Variants in SFXN3 observed in about 807,000 individuals in gnomAD.
The protein encoded by SFXN3 is sideroflexin-3.
Under a neutral mutation model 40.4 loss-of-function variants are expected in SFXN3, and 31 were observed. The observed-to-expected ratio is 0.77, with a 90% confidence interval of 0.58 to 1.04. The LOEUF is 1.04. Ranked by LOEUF, SFXN3 falls within the 50% of genes least tolerant of loss-of-function variation. The pLI is 0.00. For missense variants in SFXN3, 366 were observed against 408.2 expected, an observed-to-expected ratio of 0.90 and a Z score of 0.89; for synonymous variants, 157 against 160.0, an observed-to-expected ratio of 0.98 and a Z score of 0.14.
intron 2 of SFXN3, 141 bp downstream of exon 2, chr10:101,032,623 G>A (rs919551139): frequency 1.0e-6 from 1 of 992,312 alleles, no homozygotes; most frequent in Non-Finnish European, 1.4e-6. Context: ...AGGGAGGTTG[G>A]GGGGAGGAAT....
At chr10:101,032,944 T>C (rs147454237) in intron 2 of SFXN3, among the ~76,000 whole-genome samples, 53 of 152,296 alleles carry the variant, frequency 3.5e-4, no homozygotes, top group African/African-American at 1.1e-3. Flanking sequence ...TGAATCCTGC[T>C]CTTATCCGGA....
intron 2 of SFXN3, 29 bp downstream of exon 2, chr10:101,032,511 G>C: frequency 6.5e-7 from 1 of 1,529,722 alleles, no homozygotes; most frequent in South Asian, 1.2e-5. Flanking sequence ...CGGCGGGCGG[G>C]GTTCTGGAAT....
rs1235550512 is a variant in SFXN3, at chr10:101,036,481, C to G, written c.432-5C>G. 2 of 1,613,972 alleles carry G rather than the reference C, an allele frequency of 1.2e-6. No individual in the cohort carries two copies. Among genetic ancestry groups the G allele is most frequent in the African/African-American group, 2.7e-5 (2 of 74,912 alleles). On this transcript the variant is annotated splice_polypyrimidine_tract_variant and splice_region_variant and intron_variant, in intron 5 of 11. Transcript: ENST00000393459. The surrounding 1 kb of genome is among the most constrained non-coding windows in gnomAD (Gnocchi z 4.2). Reference sequence around the variant, plus strand: ...CTCCCCGTGACCTGGCTTTTCCACCCACAGGCAGCTGGGGACAGCCTATGT... The same window carrying G: ...CTCCCCGTGACCTGGCTTTTCCACCGACAGGCAGCTGGGGACAGCCTATGT...
At position 101,036,492 on chromosome 10, in the gene SFXN3, G is replaced by A; in HGVS notation, c.438G>A (p.Leu146=). 1 of 1,614,104 alleles carries A rather than the reference G, an allele frequency of 6.2e-7. No homozygotes were observed. The highest frequency in any genetic ancestry group is 8.5e-7 in the Non-Finnish European group (1 of 1,179,988). ...CTGGCTTTTCCACCCACAGGCAGCT[G>A]GGGACAGCCTATGTGAGTGCCACCA... is the stretch of plus-strand genomic sequence containing the variant. Residue 146 remains leucine (L), a synonymous_variant, in exon 6 of 12, where the codon CTG becomes CTA. Transcript: ENST00000393459. This position sits in a 1 kb window ranked among gnomAD's most constrained non-coding sequence, Gnocchi z 4.2.
At position 101,039,781 on chromosome 10, in the gene SFXN3, T is replaced by TCA. The variant is rs1312519609; in HGVS notation, c.*197_*198dup. On this transcript the variant is annotated 3_prime_UTR_variant, in exon 12 of 12. Coordinates refer to ENST00000393459, the Ensembl canonical transcript of SFXN3. The surrounding 1 kb of genome is among the most constrained non-coding windows in gnomAD (Gnocchi z 4.6). ...TTCCTCCCTTCTCTGGTTTCAAAGA[T>TCA]CAGAGCACATAACCCCTCCTGTGCT... is the stretch of plus-strand genomic sequence containing the variant. 1.7e-6 allele frequency: 1 copy of TCA among 603,866 alleles called. No homozygotes were observed. The highest frequency in any genetic ancestry group is 3.0e-6 in the Non-Finnish European group (1 of 337,194). 37.4% of individuals were successfully genotyped at this position (603,866 alleles called of 1,614,324 possible).
intron 8 of SFXN3, 64 bp from the exon 9 acceptor site, chr10:101,037,318 T>C: frequency 6.2e-7 from 1 of 1,614,054 alleles, no homozygotes; most frequent in East Asian, 2.2e-5. Context: ...GGGGTCACCC[T>C]TCACAGTTCC....
rs1376115923 is a variant in SFXN3, at chr10:101,036,393, C to T, written c.432-93C>T. The T allele has an allele frequency of 8.3e-7, 1 of 1,206,206 alleles. No homozygotes were observed. The highest frequency in any genetic ancestry group is 1.5e-5 in the African/African-American group (1 of 66,204). 74.7% of individuals were successfully genotyped at this position (1,206,206 alleles called of 1,614,324 possible). A position where few individuals can be genotyped will look rare whatever the true frequency, so the allele number is the denominator to read the frequency against. On this transcript the variant is annotated intron_variant, in intron 5 of 11. Transcript: ENST00000393459. This position sits in a 1 kb window ranked among gnomAD's most constrained non-coding sequence, Gnocchi z 4.2. ...TCTGCAAGGAGCTTCCCCTTTTATG[C>T]CTCATGTATTGAGGACTTGGCATAT...
chr10:101,037,384 A>G, exon 9 of SFXN3: 1 of 1,614,168 alleles, frequency 6.2e-7, no homozygotes, highest in Non-Finnish European at 8.5e-7. Context: ...CCCCACAGCC[A>G]TCCCACCACT....
exon 3 of SFXN3, chr10:101,034,699 G>A: frequency 6.2e-7 from 1 of 1,613,992 alleles, no homozygotes; most frequent in Non-Finnish European, 8.5e-7. Flanking sequence ...CAGAAAATGG[G>A]TGAATTGCCT....
exon 3 of SFXN3, chr10:101,034,713 G>A (rs1167763152): frequency 4.3e-6 from 7 of 1,613,942 alleles, no homozygotes; most frequent in South Asian, 1.1e-5. Flanking sequence ...ATTGCCTTTA[G>A]ACATCAACAT....
chr10:101,037,142 A>G (rs756864458), exon 8 of SFXN3: 1 of 1,613,926 alleles, frequency 6.2e-7, no homozygotes, highest in Admixed American at 1.7e-5. Context: ...CGGTGACTGC[A>G]GCCAAGCAGG....
At chr10:101,032,526 G>A (rs1294378215) in intron 2 of SFXN3, 44 bp downstream of exon 2, 6 of 1,516,300 alleles carry the variant, frequency 4.0e-6, no homozygotes, top group Non-Finnish European at 5.3e-6. Context: ...TGGAATGGGG[G>A]TCAGAGAAGG....
chr10:101,036,483 C>T lies in SFXN3; in HGVS notation c.432-3C>T, dbSNP rs376385079. ...CCCCGTGACCTGGCTTTTCCACCCA[C>T]AGGCAGCTGGGGACAGCCTATGTGA... On this transcript the variant is annotated splice_polypyrimidine_tract_variant and splice_region_variant and intron_variant, in intron 5 of 11. Transcript: ENST00000393459. This position sits in a 1 kb window ranked among gnomAD's most constrained non-coding sequence, Gnocchi z 4.2. 4.6e-5 allele frequency: 75 copies of T among 1,613,992 alleles called. No individual in the cohort carries two copies. Among genetic ancestry groups the T allele is most frequent in the African/African-American group, 1.3e-5 (1 of 74,926 alleles).
chr10:101,036,041 A>G lies in SFXN3; in HGVS notation c.371A>G (p.Gln124Arg). The G allele has an allele frequency of 2.5e-6, 4 of 1,614,094 alleles. No homozygotes were observed. The highest frequency in any genetic ancestry group is 3.4e-6 in the Non-Finnish European group (4 of 1,179,994). ...GTGGTGTTCTGGCAGTGGGTGAATCAGTCCTTCAATGCCATTGTTAACTAC... is the reference window on the plus strand; with the variant it reads ...GTGGTGTTCTGGCAGTGGGTGAATCGGTCCTTCAATGCCATTGTTAACTAC... The change falls in exon 5 of 12, where the codon CAG becomes CGG. Residue 124 changes from glutamine (Q) to arginine (R), a missense_variant. Physicochemically the swap from Gln to Arg is conservative, Grantham distance 43. Coordinates refer to ENST00000393459, the Ensembl canonical transcript of SFXN3. This position sits in a 1 kb window ranked among gnomAD's most constrained non-coding sequence, Gnocchi z 4.2.
intron 2 of SFXN3, among the ~76,000 whole-genome samples, chr10:101,032,951 C>T (rs542763186): frequency 2.6e-5 from 4 of 152,280 alleles, no homozygotes; most frequent in East Asian, 3.9e-4. Flanking sequence ...TGCTCTTATC[C>T]GGAGGCAAGT....
intron 3 of SFXN3, 56 bp from the exon 4 acceptor site, chr10:101,035,441 G>A: frequency 1.9e-6 from 3 of 1,541,686 alleles, no homozygotes; most frequent in Non-Finnish European, 8.7e-7. Flanking sequence ...GGTGGGGCCT[G>A]TGAGGGCAGA....
intron 2 of SFXN3, 41 bp downstream of exon 2, chr10:101,032,523 G>A (rs1238094761): frequency 2.0e-6 from 3 of 1,520,820 alleles, no homozygotes; most frequent in African/African-American, 1.4e-5. Context: ...TTCTGGAATG[G>A]GGGTCAGAGA....
At chr10:101,040,240 A>G (rs1938833698) in exon 12 of SFXN3, 1 of 154,096 alleles carries the variant, frequency 6.5e-6, no homozygotes, top group South Asian at 2.0e-4. Flanking sequence ...TCTCTACCAG[A>G]CAAAGGAGTG....
rs760561040 is a variant in SFXN3 at position 101,036,687 on chromosome 10, C to T, written c.508-36C>T. ...CCCAGAGTCCCTCACCACCCCATGG[C>T]CCTTAGGGCCACTGAACAACACCCT... is the stretch of plus-strand genomic sequence containing the variant. On this transcript the variant is annotated intron_variant, in intron 6 of 11. Coordinates refer to ENST00000393459, the Ensembl canonical transcript of SFXN3. This position sits in a 1 kb window ranked among gnomAD's most constrained non-coding sequence, Gnocchi z 4.2. 2.5e-6 allele frequency: 4 copies of T among 1,605,018 alleles called. No homozygotes were observed. The highest frequency in any genetic ancestry group is 3.4e-6 in the Non-Finnish European group (4 of 1,172,700).
Sources: allele counts gnomAD v4.1 joint callset (sites outside exome capture counted in the v4.1 genomes callset), GRCh38; gene constraint gnomAD v4.1.1; non-coding constraint Gnocchi (gnomAD v3.1); transcripts MANE v1.5; gene names NCBI Gene and HGNC (gene_info 2026-07-23, HGNC 2026-07-21).